Variants in MDM1 observed in about 807,000 individuals in gnomAD.
MDM1 encodes the protein stabilizer of axonemal microtubules 6, also known as Mdm1 nuclear protein.
A neutral mutation model predicts 89.1 loss-of-function variants in MDM1; 61 were observed. The observed-to-expected ratio is 0.68, with a 90% CI of 0.56 to 0.85. The LOEUF (loss-of-function observed/expected upper bound fraction) is 0.85, where lower values mean the gene tolerates loss of function less well. MDM1 is among the 40% of genes least tolerant of loss of function. The pLI is 0.00. For missense variants in MDM1, 820 were observed against 846.5 expected, an observed-to-expected ratio of 0.97 and a Z score of 0.39; for synonymous variants, 290 against 294.1, an observed-to-expected ratio of 0.99 and a Z score of 0.14.
chr12:68,332,093 G>A (rs886617289), intron 1 of MDM1, 135 bp downstream of exon 1: 156 of 1,269,388 alleles, frequency 1.2e-4, no homozygotes, highest in Admixed American at 3.8e-4. Context: ...GGGGCCCCTC[G>A]AGCAGGCCCT....
At chr12:68,321,172 TA>T (rs11443071) in intron 7 of MDM1, 174 bp downstream of exon 7, 108 of 408,836 alleles carry the variant, frequency 2.6e-4, no homozygotes, top group African/African-American at 1.8e-3. Context: ...CCAGTGGCAT[TA>T]AAAAAAATGA....
intron 12 of MDM1, among the ~76,000 whole-genome samples, chr12:68,303,674 G>A (rs1021818886): frequency 2.0e-5 from 3 of 152,030 alleles, no homozygotes; most frequent in South Asian, 2.1e-4. Context: ...ATTGCACGTC[G>A]CCATAAAAAT....
intron 10 of MDM1, 93 bp from the exon 11 acceptor site, chr12:68,313,846 T>A (rs753201188): frequency 6.9e-6 from 8 of 1,152,456 alleles, no homozygotes; most frequent in Non-Finnish European, 8.8e-6. Context: ...TAATAAAGTA[T>A]AAAACTTGTA....
At position 68,315,246 on chromosome 12, in the gene MDM1, T is replaced by C; in HGVS notation, c.1231A>G (p.Thr411Ala). Residue 411 changes from threonine to alanine, a missense_variant, in exon 10 of 15, where the codon ACT becomes GCT. Transcript: ENST00000682720. The stretch of plus-strand genomic sequence containing the variant: ...TCTGTAGAAGGACATTTCTGCAAAG[T>C]CTTATGGCTTGTAGGATCTCTGCGT... ...DLAGDPTSHK[T>A]LQKCPSTEPE... The C allele has an allele frequency of 1.2e-6, 2 of 1,613,692 alleles. No individual in the cohort carries two copies. The highest frequency in any genetic ancestry group is 1.7e-6 in the Non-Finnish European group (2 of 1,179,628).
At chr12:68,305,542 T>C (rs2120838034) in intron 12 of MDM1, among the ~76,000 whole-genome samples, 1 of 152,264 alleles carries the variant, frequency 6.6e-6, no homozygotes, top group South Asian at 2.1e-4. Context: ...ACCTGATAAA[T>C]GACGTTAGTA....
At chr12:68,308,329 T>C (rs1027749902) in intron 12 of MDM1, among the ~76,000 whole-genome samples, 2 of 152,198 alleles carry the variant, frequency 1.3e-5, no homozygotes, top group African/African-American at 2.4e-5. Flanking sequence ...TTTCACTGTG[T>C]TGGCCAGGCT....
Position 68,332,337 on chromosome 12 carries a change from C to T in MDM1, c.-92G>A. 1 of 1,430,466 alleles carries T rather than the reference C, an allele frequency of 7.0e-7. No individual in the cohort carries two copies. Among genetic ancestry groups the T allele is most frequent in the Non-Finnish European group, 9.3e-7 (1 of 1,074,734 alleles). The allele number at this position is 1,430,466 out of a possible 1,614,324, so 88.6% of individuals were successfully genotyped here. A position where few individuals can be genotyped will look rare whatever the true frequency, so the allele number is the denominator to read the frequency against. On this transcript the variant is annotated 5_prime_UTR_variant, in exon 1 of 15. Transcript: ENST00000682720. ...GCGATAACAGTGTTCCCTAGCAAAG[C>T]CTCGGCCCGGCGTCCCCGACTACGC...
At chr12:68,331,859 G>C (rs1876875049) in intron 1 of MDM1, 2 of 496,050 alleles carry the variant, frequency 4.0e-6, no homozygotes, top group Non-Finnish European at 7.6e-6. Context: ...ATACACTAAA[G>C]TTTTAAAGGT....
In MDM1 at chr12:68,297,108, G is replaced by A. The variant is rs1871505929; in HGVS notation, c.2003-126C>T. 6.2e-6 allele frequency: 3 copies of A among 481,782 alleles called. No individual in the cohort carries two copies. The East Asian group carries it at 1.0e-4, about 16-fold the overall frequency. The allele number at this position is 481,782 out of a possible 1,614,324, so 29.8% of individuals were successfully genotyped here. On this transcript the variant is annotated intron_variant, in intron 13 of 14. Coordinates refer to ENST00000682720, the MANE Select transcript of MDM1 (RefSeq NM_001354969.2). The stretch of plus-strand genomic sequence containing the variant: ...TTTATTAATTATCAAACCTACATGT[G>A]AGTAAAGGTTTAAGAAATGAAAAAG...
chr12:68,327,207 A>G (rs568972247), intron 2 of MDM1, 186 bp from the exon 3 acceptor site: 2 of 1,397,886 alleles, frequency 1.4e-6, no homozygotes, highest in Admixed American at 6.0e-5. Flanking sequence ...TAAAATATTT[A>G]ATTTTGCTTT....
In MDM1 at chr12:68,296,974, C is replaced by A; in HGVS notation, c.2011G>T (p.Ala671Ser). The change falls in exon 14 of 15, where the codon GCA becomes TCA. Residue 671 changes from alanine (A) to serine (S), a missense_variant. Coordinates refer to ENST00000682720, the MANE Select transcript of MDM1 (RefSeq NM_001354969.2). ...DPEFQHNVGK[A>S]RMNNLQLPQH... Reference sequence around the variant, plus strand: ...GGTAACTGCAAATTGTTCATCCTTGCTTTTCCCACTTAAAAAAAAAAAGGC... The same window carrying A: ...GGTAACTGCAAATTGTTCATCCTTGATTTTCCCACTTAAAAAAAAAAAGGC... The A allele has an allele frequency of 6.3e-7, 1 of 1,590,592 alleles. No homozygotes were observed. Among genetic ancestry groups the A allele is most frequent in the Non-Finnish European group, 8.5e-7 (1 of 1,171,280 alleles).
At chr12:68,322,993 G>A in intron 5 of MDM1, 80 bp downstream of exon 5, 5 of 1,385,482 alleles carry the variant, frequency 3.6e-6, no homozygotes, top group Non-Finnish European at 4.9e-6. Context: ...AAAACTCCCA[G>A]GTGGTAGTAA....
At chr12:68,313,609 G>A in intron 11 of MDM1, 35 bp downstream of exon 11, 1 of 1,606,542 alleles carries the variant, frequency 6.2e-7, no homozygotes, top group Non-Finnish European at 8.5e-7. Flanking sequence ...AGAAAAAGCA[G>A]GTTAAATAAG....
In MDM1 at chr12:68,326,660, AT is replaced by A. The variant is rs746328670; in HGVS notation, c.494del (p.Asn165MetfsTer13). 5.0e-6 allele frequency: 8 copies of A among 1,614,124 alleles called. No homozygotes were observed. The East Asian group carries it at 1.8e-4, about 36-fold the overall frequency. ...STKVLSENVD[N>X]GLDRLLRKKA... ...GAAATGCAGTGAATATGCCTACCCC[AT>A]TATCTACATTTTCTGAAAGAACCTT... On this transcript the variant is annotated frameshift_variant, in exon 3 of 15. Coordinates refer to ENST00000682720, the MANE Select transcript of MDM1 (RefSeq NM_001354969.2). LOFTEE classifies it high-confidence loss of function.
At chr12:68,321,090 A>G (rs924243044) in intron 7 of MDM1, 1 of 347,880 alleles carries the variant, frequency 2.9e-6, no homozygotes, top group Non-Finnish European at 5.2e-6. Flanking sequence ...ATTGACTATT[A>G]ACACAATCAA....
chr12:68,315,009 T>C lies in MDM1; in HGVS notation c.1468A>G (p.Met490Val), dbSNP rs758538942. 24 of 1,614,054 alleles carry C rather than the reference T, an allele frequency of 1.5e-5. 2 individuals are homozygous for C. In the Middle Eastern group the frequency reaches 2.5e-3, roughly 166 times the overall value. The change falls in exon 10 of 15, where the codon ATG (methionine) becomes GTG (valine). Residue 490 changes from methionine (M) to valine (V), a missense_variant. Transcript: ENST00000682720. ...ACATCCAACTTCTCTTGCTCTCCCA[T>C]AAAAGCCTGCTTGCCCGTTTTCCTG... ...GDRKTGKQAF[M>V]GEQEKLDVRE...
chr12:68,329,096 G>A (rs1871558), intron 2 of MDM1, among the ~76,000 whole-genome samples: 24,838 of 152,158 alleles, frequency 0.16, 2,648 homozygotes, highest in Admixed American at 0.25. Flanking sequence ...GCTCAGCAGG[G>A]TGGGATATCT....
intron 13 of MDM1, among the ~76,000 whole-genome samples, chr12:68,302,217 G>A (rs545982871): frequency 7.2e-5 from 11 of 152,248 alleles, no homozygotes; most frequent in South Asian, 4.1e-4. Context: ...TAACATTAAC[G>A]ATGGAAGCCA....
chr12:68,318,726 T>C (rs1402549643), intron 7 of MDM1, among the ~76,000 whole-genome samples: 1 of 152,168 alleles, frequency 6.6e-6, no homozygotes, highest in Non-Finnish European at 1.5e-5. Context: ...AAATAAACCA[T>C]TCCCAACTCA....
Sources: allele counts gnomAD v4.1 joint callset (sites outside exome capture counted in the v4.1 genomes callset), GRCh38; gene constraint gnomAD v4.1.1; transcripts MANE v1.5; gene names NCBI Gene and HGNC (gene_info 2026-07-23, HGNC 2026-07-21).